Variants in IPP observed in about 807,000 individuals in gnomAD.
The protein encoded by IPP is intracisternal A particle-promoted polypeptide, also known as actin-binding protein IPP.
Under a neutral mutation model 64.1 loss-of-function variants are expected in IPP, and 41 were observed. The observed-to-expected ratio is 0.64, with a 90% CI of 0.50 to 0.83. The LOEUF (loss-of-function observed/expected upper bound fraction) is 0.83. IPP is among the 40% of genes least tolerant of loss of function. The probability of loss-of-function intolerance (pLI) is 0.00; values close to 1 mark genes in which losing one functional copy is unlikely to be tolerated. For missense variants in IPP, 649 were observed against 703.0 expected (o/e 0.92, Z 0.87); for synonymous variants, 214 against 235.2 (o/e 0.91, Z 0.83).
Position 45,713,607 on chromosome 1 carries a change from G to A in IPP, c.1530+639C>T, listed in dbSNP as rs574235566. On this transcript the variant is annotated intron_variant, in intron 8 of 8. Transcript: ENST00000396478. ...TGAGAGAGGGTCTCTTGCTGTTACC[G>A]AGGCTGGAGCACAATGGCTTGATCA... Among the ~76,000 whole-genome samples, 102 of 151,830 alleles carry A rather than the reference G, an allele frequency of 6.7e-4. No homozygotes were observed. In the South Asian group the frequency reaches 0.02, roughly 29 times the overall value.
Position 45,727,771 on chromosome 1 carries a change from C to A in IPP, c.908G>T (p.Arg303Leu), listed in dbSNP as rs775498465. 33 of 1,567,136 alleles carry A rather than the reference C, an allele frequency of 2.1e-5. No individual in the cohort carries two copies. The Admixed American group carries it at 5.1e-4, about 24-fold the overall frequency. ...GCTGAGGGCTCTGCTATCACTCCAGCGACCCCCCTGCAACCGAGTATATCC... is the reference window on the plus strand; with the variant it reads ...GCTGAGGGCTCTGCTATCACTCCAGAGACCCCCCTGCAACCGAGTATATCC... ...VGGYTRLQGG[R>L]WSDSRALSCV... The change falls in exon 5 of 9, where the codon CGC (arginine) becomes CTC (leucine). Residue 303 changes from arginine to leucine, a missense_variant. Transcript: ENST00000396478.
At position 45,714,281 on chromosome 1, in the gene IPP, C is replaced by G. The variant is rs764490795; in HGVS notation, c.1495G>C (p.Ala499Pro). ...GAATATTTTTCTACAGTATGAAGAG[C>G]ATCTTGGGTCTCATTCCATCCTCCA... ...SVGGWNETQD[A>P]LHTVEKYSFE... is the part of the protein sequence containing the mutation. Residue 499 changes from alanine to proline, a missense_variant, in exon 8 of 9, where the codon GCT becomes CCT. Coordinates refer to ENST00000396478, the MANE Select transcript of IPP (RefSeq NM_005897.3). The G allele has an allele frequency of 3.8e-5, 61 of 1,613,896 alleles. No individual in the cohort carries two copies. The highest frequency in any genetic ancestry group is 4.9e-5 in the Non-Finnish European group (58 of 1,179,870).
intron 8 of IPP, among the ~76,000 whole-genome samples, chr1:45,708,127 T>G (rs1645538654): frequency 6.6e-6 from 1 of 151,272 alleles, no homozygotes; most frequent in Non-Finnish European, 1.5e-5. Flanking sequence ...TGCAGTGGCA[T>G]GATCACAGCT....
intron 6 of IPP, among the ~76,000 whole-genome samples, chr1:45,717,656 C>T (rs28710352): frequency 0.025 from 3,829 of 152,038 alleles, 160 homozygotes; most frequent in African/African-American, 0.088. Flanking sequence ...AGACTACAGG[C>T]GCCCACCACC....
intron 3 of IPP, among the ~76,000 whole-genome samples, chr1:45,735,742 G>A (rs1175710913): frequency 1.0e-5 from 1 of 99,454 alleles, no homozygotes; most frequent in South Asian, 3.3e-4. Flanking sequence ...CAATTCTCCT[G>A]CCTCAGCCTC....
At chr1:45,735,362 GC>G (rs1397717821) in intron 3 of IPP, among the ~76,000 whole-genome samples, 1 of 152,006 alleles carries the variant, frequency 6.6e-6, no homozygotes, top group Non-Finnish European at 1.5e-5. Context: ...GGGATTAAAG[GC>G]ATGAGACACC....
At chr1:45,701,191 T>A (rs1645445445) in intron 8 of IPP, among the ~76,000 whole-genome samples, 1 of 152,246 alleles carries the variant, frequency 6.6e-6, no homozygotes. Context: ...CTATCTGGGC[T>A]TTTACACAAA....
chr1:45,732,884 C>T (rs1645929687), intron 3 of IPP, among the ~76,000 whole-genome samples: 1 of 151,976 alleles, frequency 6.6e-6, no homozygotes, highest in Non-Finnish European at 1.5e-5. Context: ...CCAGAATGGT[C>T]TCAATCTCCT....
intron 3 of IPP, among the ~76,000 whole-genome samples, 182 bp downstream of exon 3, chr1:45,740,719 C>A (rs1646051089): frequency 6.6e-6 from 1 of 151,818 alleles, no homozygotes. Flanking sequence ...TACTACTGCC[C>A]ACCCACAGAA....
At chr1:45,750,085 A>C (rs1646200675) in intron 1 of IPP, among the ~76,000 whole-genome samples, 1 of 152,184 alleles carries the variant, frequency 6.6e-6, no homozygotes, top group South Asian at 2.1e-4. Context: ...AACGGTAGAA[A>C]TGCCCAGAGG....
At chr1:45,740,248 C>T (rs1361682378) in intron 3 of IPP, among the ~76,000 whole-genome samples, 3 of 152,172 alleles carry the variant, frequency 2.0e-5, no homozygotes, top group Non-Finnish European at 2.9e-5. Context: ...AGCAACCATC[C>T]GATTTCTCAA....
chr1:45,734,451 C>A (rs1180361323), intron 3 of IPP, among the ~76,000 whole-genome samples: 1 of 146,708 alleles, frequency 6.8e-6, no homozygotes, highest in African/African-American at 2.5e-5. Flanking sequence ...ATTTTTTTTT[C>A]TTTGAGACAA....
At position 45,716,924 on chromosome 1, in the gene IPP, C is replaced by T. The variant is rs769294267; in HGVS notation, c.1280G>A (p.Arg427His). Residue 427 changes from arginine (R) to histidine (H), a missense_variant, in exon 7 of 9, where the codon CGC (arginine) becomes CAC (histidine). By Grantham distance (29) the Arg-to-His change is conservative. Transcript: ENST00000396478. ...CATTTCACAGCACCCAAAGTAGTAGCGTGACACAGCCATGTTACCAACTAC... is the reference window on the plus strand; with the variant it reads ...CATTTCACAGCACCCAAAGTAGTAGTGTGACACAGCCATGTTACCAACTAC... The part of the protein sequence containing the change: ...WEVVGNMAVS[R>H]YYFGCCEMQG... 1.9e-6 allele frequency: 3 copies of T among 1,612,362 alleles called. No homozygotes were observed. The highest frequency in any genetic ancestry group is 2.2e-5 in the East Asian group (1 of 44,786).
At chr1:45,726,088 A>T (rs1175342661) in intron 5 of IPP, among the ~76,000 whole-genome samples, 2 of 150,372 alleles carry the variant, frequency 1.3e-5, no homozygotes, top group African/African-American at 2.4e-5. Context: ...TGATCAATAA[A>T]AAAAATAAAT....
chr1:45,749,852 C>G (rs1646196487), intron 1 of IPP, among the ~76,000 whole-genome samples: 1 of 152,098 alleles, frequency 6.6e-6, no homozygotes, highest in Non-Finnish European at 1.5e-5. Flanking sequence ...GAGTTCAAGA[C>G]CAGCCTGGGC....
chr1:45,718,040 T>C (rs1049281957), intron 6 of IPP, among the ~76,000 whole-genome samples: 7 of 152,144 alleles, frequency 4.6e-5, no homozygotes, highest in African/African-American at 1.7e-4. Context: ...CTTATAACTT[T>C]CCCTAGGAAC....
At chr1:45,721,282 C>T (rs2148562247) in intron 5 of IPP, among the ~76,000 whole-genome samples, 1 of 152,328 alleles carries the variant, frequency 6.6e-6, no homozygotes, top group East Asian at 1.9e-4. Flanking sequence ...AAGAGTGGCT[C>T]ACTGTGCTTA....
At chr1:45,715,745 C>A (rs1184077748) in intron 7 of IPP, among the ~76,000 whole-genome samples, 2 of 152,166 alleles carry the variant, frequency 1.3e-5, no homozygotes, top group Non-Finnish European at 2.9e-5. Context: ...TCACAACCTT[C>A]CTGATCTTCA....
In IPP at chr1:45,714,485, T is replaced by C; in HGVS notation, c.1310-19A>G. 1 of 1,409,338 alleles carries C rather than the reference T, an allele frequency of 7.1e-7. No individual in the cohort carries two copies. The allele number at this position is 1,409,338 out of a possible 1,614,324, so 87.3% of individuals were successfully genotyped here. On this transcript the variant is annotated intron_variant, in intron 7 of 8. Coordinates refer to ENST00000396478, the MANE Select transcript of IPP (RefSeq NM_005897.3). Reference sequence around the variant, plus strand: ...ATTAAACCTGGAAGTGGAATATTTTTGCTCAGATGCTACAGATAGTGAGAT... The same window carrying C: ...ATTAAACCTGGAAGTGGAATATTTTCGCTCAGATGCTACAGATAGTGAGAT...
Sources: allele counts gnomAD v4.1 joint callset (sites outside exome capture counted in the v4.1 genomes callset), GRCh38; gene constraint gnomAD v4.1.1; transcripts MANE v1.5; gene names NCBI Gene and HGNC (gene_info 2026-07-23, HGNC 2026-07-21).